Variants in ABCG1 observed in about 807,000 individuals in gnomAD.
The protein encoded by ABCG1 is ATP binding cassette subfamily G member 1.
Under a neutral mutation model 69.2 loss-of-function variants are expected in ABCG1, and 29 were observed. That is an observed-to-expected ratio of 0.42 (90% confidence interval 0.31 to 0.57). The LOEUF (loss-of-function observed/expected upper bound fraction) is 0.57. ABCG1 is among the 20% of genes least tolerant of loss of function. ABCG1 has a pLI of 0.15. For synonymous variants in ABCG1, 370 were observed against 374.8 expected (o/e 0.99, Z 0.15); for missense variants, 718 against 898.1 (o/e 0.80, Z 2.56).
chr21:42,242,632 T>G (rs1186421485), intron 2 of ABCG1, among the ~76,000 whole-genome samples: 1 of 152,200 alleles, frequency 6.6e-6, no homozygotes, highest in Non-Finnish European at 1.5e-5. Flanking sequence ...GAGAGGTGGC[T>G]GGGTGACTTG....
In ABCG1 at chr21:42,288,714, G is replaced by A. The variant is rs959156819; in HGVS notation, c.1224+402G>A. Among the ~76,000 whole-genome samples the A allele has an allele frequency of 8.2e-5, 12 of 145,952 alleles. No homozygotes were observed. Among genetic ancestry groups the A allele is most frequent in the African/African-American group, 3.0e-4 (12 of 39,446 alleles). ...CAGAGAGAGACTCCCATCTGAAAAA[G>A]AAAGAAAGGAAAGAAAGGAAGGGAA... On this transcript the variant is annotated intron_variant, in intron 10 of 14. Transcript: ENST00000398449. This position sits in a 1 kb window ranked among gnomAD's most constrained non-coding sequence, Gnocchi z 4.8.
chr21:42,236,194 G>A (rs551464918), intron 2 of ABCG1, among the ~76,000 whole-genome samples: 1 of 152,340 alleles, frequency 6.6e-6, no homozygotes, highest in East Asian at 1.9e-4. Context: ...TAAGCCGGCT[G>A]GAATCCGGAG....
intron 1 of ABCG1, among the ~76,000 whole-genome samples, chr21:42,221,565 G>A (rs1165310169): frequency 6.6e-6 from 1 of 152,208 alleles, no homozygotes; most frequent in African/African-American, 2.4e-5. Context: ...GGGATTCCAA[G>A]TGACCCCTCA....
chr21:42,223,832 C>T (rs1331694195), intron 1 of ABCG1, among the ~76,000 whole-genome samples: 2 of 152,160 alleles, frequency 1.3e-5, no homozygotes, highest in African/African-American at 4.8e-5. Flanking sequence ...GGTGGCCATT[C>T]ACCCTGTATT....
chr21:42,291,302 C>T lies in ABCG1; in HGVS notation c.1494+110C>T, dbSNP rs993066896. The T allele has an allele frequency of 3.1e-5, 36 of 1,175,248 alleles. No homozygotes were observed. The Admixed American group carries it at 6.7e-4, about 22-fold the overall frequency. The allele number at this position is 1,175,248 out of a possible 1,614,324, so 72.8% of individuals were successfully genotyped here. On this transcript the variant is annotated intron_variant, in intron 12 of 14. Transcript: ENST00000398449. This position sits in a 1 kb window ranked among gnomAD's most constrained non-coding sequence, Gnocchi z 6.4. ...GATGCAGGGTGACATGGCCCGACTT[C>T]GGGAGCTCTGGTGGGAGCTGCGGGG... is the stretch of plus-strand genomic sequence containing the variant.
At chr21:42,203,321 C>G (rs1352484685) in intron 2 of ABCG1, among the ~76,000 whole-genome samples, 1 of 152,110 alleles carries the variant, frequency 6.6e-6, no homozygotes, top group Non-Finnish European at 1.5e-5. Context: ...TTGATGTAGT[C>G]CCGTTTATCA....
At chr21:42,232,358 T>C (rs147332843) in intron 2 of ABCG1, among the ~76,000 whole-genome samples, 1 of 152,322 alleles carries the variant, frequency 6.6e-6, no homozygotes, top group African/African-American at 2.4e-5. Flanking sequence ...AGCTTGGGCC[T>C]GGGATCTGGG....
chr21:42,292,034 C>T (rs143739059), intron 13 of ABCG1, among the ~76,000 whole-genome samples: 2,375 of 152,250 alleles, frequency 0.016, 66 homozygotes, highest in African/African-American at 0.053. Flanking sequence ...GGGAGCCAAG[C>T]TCCCAACACC....
chr21:42,239,347 C>T (rs1049650295), intron 2 of ABCG1, among the ~76,000 whole-genome samples: 34 of 152,216 alleles, frequency 2.2e-4, no homozygotes, highest in Non-Finnish European at 8.8e-5. Flanking sequence ...GGCTACCCTT[C>T]TTATATGTGA....
chr21:42,286,184 A>G, intron 8 of ABCG1, 190 bp downstream of exon 8: 1 of 554,026 alleles, frequency 1.8e-6, no homozygotes, highest in South Asian at 2.1e-5. Context: ...AGGTAAAATC[A>G]TCTGGCCAGC....
intron 2 of ABCG1, among the ~76,000 whole-genome samples, chr21:42,251,573 T>C (rs1486932152): frequency 6.6e-6 from 1 of 150,908 alleles, no homozygotes; most frequent in East Asian, 2.0e-4. Context: ...ATGGGATGAA[T>C]GGCAGCGGCC....
At chr21:42,200,587 T>G (rs999452183) in intron 1 of ABCG1, among the ~76,000 whole-genome samples, 1 of 145,840 alleles carries the variant, frequency 6.9e-6, no homozygotes, top group African/African-American at 2.6e-5. Flanking sequence ...GCAATACTTT[T>G]ATGTTGCACT....
At chr21:42,274,517 G>A (rs1233659955) in intron 4 of ABCG1, among the ~76,000 whole-genome samples, 3 of 133,218 alleles carry the variant, frequency 2.3e-5, no homozygotes, top group Non-Finnish European at 3.1e-5. Flanking sequence ...CTCTGTCACC[G>A]AGGCTGGAAT....
In ABCG1 at chr21:42,238,899, T is replaced by C. The variant is rs4148116; in HGVS notation, c.286+12985T>C. Among the ~76,000 whole-genome samples, 19 of 152,332 alleles carry C rather than the reference T, an allele frequency of 1.2e-4. 1 individual carries two copies. The East Asian group carries it at 3.3e-3, about 26-fold the overall frequency. On this transcript the variant is annotated intron_variant, in intron 2 of 14. Transcript: ENST00000398449. ...CACACCTATTGGCAGGTCGTGAACA[T>C]TGTTCTTGGATTTGCAAATATTTAA...
intron 13 of ABCG1, among the ~76,000 whole-genome samples, chr21:42,292,937 A>G (rs1269413431): frequency 6.8e-6 from 1 of 148,080 alleles, no homozygotes; most frequent in Non-Finnish European, 1.5e-5. Flanking sequence ...CACACCACAC[A>G]CTAAACACAT....
At chr21:42,242,057 A>G (rs1007516208) in intron 2 of ABCG1, among the ~76,000 whole-genome samples, 1 of 152,212 alleles carries the variant, frequency 6.6e-6, no homozygotes, top group African/African-American at 2.4e-5. Flanking sequence ...TGAAAGCACA[A>G]AACAGTGAAA....
At chr21:42,246,335 T>C (rs1274669005) in intron 2 of ABCG1, among the ~76,000 whole-genome samples, 2 of 152,258 alleles carry the variant, frequency 1.3e-5, no homozygotes, top group Non-Finnish European at 2.9e-5. Context: ...ATTTGTCACC[T>C]CTTTAAGATA....
chr21:42,270,502 G>T (rs1377479186), intron 2 of ABCG1, among the ~76,000 whole-genome samples: 2 of 151,892 alleles, frequency 1.3e-5, no homozygotes, highest in Non-Finnish European at 2.9e-5. Flanking sequence ...TTAATTAAGG[G>T]ATTAATAATA....
In ABCG1 at chr21:42,243,249, C is replaced by A. The variant is rs139002528; in HGVS notation, c.286+17335C>A. On this transcript the variant is annotated intron_variant, in intron 2 of 14. Transcript: ENST00000398449. ...ACTATGAATGTGGGGAGCCCGTCGGCCCCTCCCTCTGCAGGGAGGAGAGTT... is the reference window on the plus strand; with the variant it reads ...ACTATGAATGTGGGGAGCCCGTCGGACCCTCCCTCTGCAGGGAGGAGAGTT... Among the ~76,000 whole-genome samples, 384 of 152,244 alleles carry A rather than the reference C, an allele frequency of 2.5e-3. 2 individuals are homozygous for A. Among genetic ancestry groups the A allele is most frequent in the African/African-American group, 9.0e-3 (372 of 41,544 alleles).
Sources: allele counts gnomAD v4.1 joint callset (sites outside exome capture counted in the v4.1 genomes callset), GRCh38; gene constraint gnomAD v4.1.1; non-coding constraint Gnocchi (gnomAD v3.1); transcripts MANE v1.5; gene names NCBI Gene and HGNC (gene_info 2026-07-23, HGNC 2026-07-21).